AKAP13: variants seen among roughly 807,000 people sequenced by gnomAD.
AKAP13 encodes A-kinase anchor protein 13.
In AKAP13, 80 loss-of-function variants were observed where a neutral mutation model predicts 264.5. The observed-to-expected ratio is 0.30, with a 90% CI of 0.25 to 0.36. The LOEUF is 0.36. AKAP13 is among the 10% of genes least tolerant of loss of function. The probability of loss-of-function intolerance (pLI) is 1.00; values close to 1 mark genes in which losing one functional copy is unlikely to be tolerated. For missense variants in AKAP13, 3,712 were observed against 3,435.2 expected, an observed-to-expected ratio of 1.08 and a Z score of -2.01; for synonymous variants, 1,380 against 1,250.2, an observed-to-expected ratio of 1.10 and a Z score of -2.19.
rs201780964 is a variant in AKAP13 at position 85,581,422 on chromosome 15, A to G, written c.3354A>G (p.Pro1118=). 7.4e-6 allele frequency: 12 copies of G among 1,614,228 alleles called. No homozygotes were observed. The highest frequency in any genetic ancestry group is 3.3e-5 in the Admixed American group (2 of 60,030). The change falls in exon 7 of 37, where the codon CCA becomes CCG. Residue 1118 remains proline, a synonymous_variant. Coordinates refer to ENST00000394518, the MANE Select transcript of AKAP13 (RefSeq NM_007200.5). ...ISHNTQDILI[P]NVLLSQEKNA... ...ACAACACCCAAGACATCCTGATTCC[A>G]AACGTCTTGTTGAGCCAAGAGAAGA...
At chr15:85,600,484 A>G (rs2080011085) in intron 8 of AKAP13, among the ~76,000 whole-genome samples, 1 of 152,234 alleles carries the variant, frequency 6.6e-6, no homozygotes, top group Non-Finnish European at 1.5e-5. Context: ...ACTTTTAGAT[A>G]TACACAATTA....
Position 85,579,390 on chromosome 15 carries a change from G to A in AKAP13, c.1322G>A (p.Ser441Asn), listed in dbSNP as rs2079112583. ...GMPTDQESLS[S>N]GDAVLQRDLV... Reference sequence around the variant, plus strand: ...CCCACAGACCAGGAGTCCCTGAGCAGTGGAGATGCTGTGCTTCAGAGAGAC... The same window carrying A: ...CCCACAGACCAGGAGTCCCTGAGCAATGGAGATGCTGTGCTTCAGAGAGAC... Residue 441 changes from serine to asparagine, a missense_variant, in exon 7 of 37, where the codon AGT becomes AAT. Coordinates refer to ENST00000394518, the MANE Select transcript of AKAP13 (RefSeq NM_007200.5). 1 of 1,614,054 alleles carries A rather than the reference G, an allele frequency of 6.2e-7. No individual in the cohort carries two copies. The highest frequency in any genetic ancestry group is 1.7e-5 in the Admixed American group (1 of 60,016).
At chr15:85,632,780 A>G (rs1173979160) in intron 8 of AKAP13, among the ~76,000 whole-genome samples, 2 of 152,254 alleles carry the variant, frequency 1.3e-5, no homozygotes, top group African/African-American at 2.4e-5. Flanking sequence ...AGTTGCTTGC[A>G]TATTCAAGGC....
chr15:85,597,813 A>T (rs1428473757), intron 8 of AKAP13, among the ~76,000 whole-genome samples: 2 of 151,940 alleles, frequency 1.3e-5, no homozygotes, highest in Non-Finnish European at 2.9e-5. Flanking sequence ...AATTTAGTGA[A>T]AATTGTTACC....
At chr15:85,541,084 A>C (rs1567114418) in intron 4 of AKAP13, among the ~76,000 whole-genome samples, 1 of 152,242 alleles carries the variant, frequency 6.6e-6, no homozygotes, top group Non-Finnish European at 1.5e-5. Context: ...GGATATTGGT[A>C]ATTTTCTATA....
chr15:85,445,906 A>G (rs28665432), intron 1 of AKAP13, among the ~76,000 whole-genome samples: 43,280 of 152,094 alleles, frequency 0.28, 8,587 homozygotes, highest in African/African-American at 0.55. Context: ...TACAATGTGT[A>G]CTGATCAAAT....
intron 1 of AKAP13, among the ~76,000 whole-genome samples, chr15:85,472,684 A>G (rs866316328): frequency 4.6e-5 from 7 of 152,232 alleles, no homozygotes; most frequent in African/African-American, 4.8e-5. Flanking sequence ...TAGAGGATTT[A>G]CATATTAAGA....
chr15:85,700,407 C>A (rs556959555), intron 17 of AKAP13, among the ~76,000 whole-genome samples: 47 of 152,130 alleles, frequency 3.1e-4, no homozygotes, highest in Non-Finnish European at 5.7e-4. Flanking sequence ...CTATCAGTGT[C>A]GTATGTGCTA....
chr15:85,665,755 A>T (rs1308825952), intron 13 of AKAP13, among the ~76,000 whole-genome samples: 1 of 151,636 alleles, frequency 6.6e-6, no homozygotes. Context: ...TTCAGTTCCC[A>T]CCTATGAGTG....
intron 8 of AKAP13, among the ~76,000 whole-genome samples, chr15:85,595,724 T>C (rs1056077385): frequency 7.9e-5 from 12 of 152,330 alleles, no homozygotes; most frequent in African/African-American, 2.9e-4. Flanking sequence ...ATTTTTTTAC[T>C]TTCACAATAC....
chr15:85,553,957 C>T (rs1368055174), intron 5 of AKAP13, among the ~76,000 whole-genome samples: 2 of 152,158 alleles, frequency 1.3e-5, no homozygotes, highest in East Asian at 1.9e-4. Context: ...CATACCCCGC[C>T]CCCTCATCTG....
rs1444224487 is a variant in AKAP13 at position 85,645,261 on chromosome 15, C to T, written c.4238-557C>T. Among the ~76,000 whole-genome samples, 3 of 152,198 alleles carry T rather than the reference C, an allele frequency of 2.0e-5. No homozygotes were observed. In the South Asian group the frequency reaches 6.2e-4, roughly 31 times the overall value. ...CCCCTCCCTCTAGCTTGCCAGGGTC[C>T]CTGTTCTAGTTATTGAACCGAAAAC... On this transcript the variant is annotated intron_variant, in intron 9 of 36. Coordinates refer to ENST00000394518, the MANE Select transcript of AKAP13 (RefSeq NM_007200.5).
chr15:85,622,992 TC>T (rs1343981269), intron 8 of AKAP13, among the ~76,000 whole-genome samples: 1 of 152,230 alleles, frequency 6.6e-6, no homozygotes, highest in Non-Finnish European at 1.5e-5. Context: ...TCATATAAGT[TC>T]ATTTTGTCCC....
chr15:85,398,357 A>G (rs1567037832), intron 1 of AKAP13, among the ~76,000 whole-genome samples: 1 of 152,210 alleles, frequency 6.6e-6, no homozygotes, highest in South Asian at 2.1e-4. Context: ...ATAGTCCCCC[A>G]AAAGTACACA....
At chr15:85,431,400 CAT>C (rs1198318467) in intron 1 of AKAP13, among the ~76,000 whole-genome samples, 2 of 152,136 alleles carry the variant, frequency 1.3e-5, no homozygotes, top group African/African-American at 2.4e-5. Flanking sequence ...TCAGTTTTCT[CAT>C]GTGTAAAACA....
At chr15:85,539,872 T>A (rs1048161021) in intron 4 of AKAP13, among the ~76,000 whole-genome samples, 2 of 152,166 alleles carry the variant, frequency 1.3e-5, no homozygotes, top group Admixed American at 1.3e-4. Flanking sequence ...ATCATAAGTA[T>A]TCAGATGGAA....
At chr15:85,719,450 A>ATT in intron 23 of AKAP13, 124 bp downstream of exon 23, 1 of 1,295,366 alleles carries the variant, frequency 7.7e-7, no homozygotes, top group South Asian at 1.5e-5. Context: ...CAGGGAACTT[A>ATT]TTTAATTTCT....
rs371016419 is a variant in AKAP13, at chr15:85,669,762, C to T, written c.5033C>T (p.Thr1678Ile). 9 of 1,613,516 alleles carry T rather than the reference C, an allele frequency of 5.6e-6. No individual in the cohort carries two copies. The African/African-American group carries it at 6.7e-5, about 12-fold the overall frequency. Residue 1678 changes from threonine to isoleucine, a missense_variant, in exon 14 of 37, where the codon ACA (threonine) becomes ATA (isoleucine). Around this residue, in one of 3 missense-constraint regions of AKAP13, gnomAD observed 2,759 missense variants for 2,411.7 expected, o/e 1.14. Transcript: ENST00000394518. Reference sequence around the variant, plus strand: ...AAGCAGCAGGGATTTAATTACTGTACATCAGCCATTTCCTCTCCATTGACA... The same window carrying T: ...AAGCAGCAGGGATTTAATTACTGTATATCAGCCATTTCCTCTCCATTGACA... ...RSKQQGFNYCTSAISSPLTKS... is the reference protein window; with the variant it reads ...RSKQQGFNYCISAISSPLTKS...
At chr15:85,687,915 C>T (rs1344831511) in intron 16 of AKAP13, among the ~76,000 whole-genome samples, 1 of 151,800 alleles carries the variant, frequency 6.6e-6, no homozygotes, top group East Asian at 1.9e-4. Context: ...TGGCACACAC[C>T]TGTAGTCCTA....
Sources: allele counts gnomAD v4.1 joint callset (sites outside exome capture counted in the v4.1 genomes callset), GRCh38; gene constraint gnomAD v4.1.1; regional missense constraint gnomAD v4.1.1; transcripts MANE v1.5; gene names NCBI Gene and HGNC (gene_info 2026-07-23, HGNC 2026-07-21).